Variants in DLG2 observed in about 807,000 individuals in gnomAD.
DLG2 encodes disks large homolog 2.
Under a neutral mutation model 132.5 loss-of-function variants are expected in DLG2, and 45 were observed. The ratio of observed to expected loss-of-function variants is 0.34; its 90% CI spans 0.27 to 0.44. The LOEUF (loss-of-function observed/expected upper bound fraction) is 0.44, where lower values mean the gene tolerates loss of function less well. DLG2 is among the 20% of genes least tolerant of loss of function. DLG2 has a pLI of 1.00. For missense variants in DLG2, 1,045 were observed against 1,196.9 expected (o/e 0.87, Z 1.87); for synonymous variants, 424 against 419.6 (o/e 1.01, Z -0.13).
At chr11:85,565,311 G>A (rs1397793511) in intron 3 of DLG2, among the ~76,000 whole-genome samples, 1 of 152,022 alleles carries the variant, frequency 6.6e-6, no homozygotes, top group Non-Finnish European at 1.5e-5. Flanking sequence ...AATATTTGAT[G>A]ATTAAGTATA....
At chr11:83,493,395 T>TTC (rs1565461867) in intron 21 of DLG2, among the ~76,000 whole-genome samples, 2 of 137,356 alleles carry the variant, frequency 1.5e-5, no homozygotes, top group African/African-American at 5.5e-5. Context: ...TTCCTTCCTT[T>TTC]CTCTCTCTTT....
intron 18 of DLG2, among the ~76,000 whole-genome samples, chr11:83,732,898 C>T (rs1243681697): frequency 6.6e-6 from 1 of 152,098 alleles, no homozygotes; most frequent in South Asian, 2.1e-4. Context: ...TCTGCTTCTC[C>T]ATAACTGAAC....
At chr11:85,356,888 A>AC in intron 3 of DLG2, among the ~76,000 whole-genome samples, 1 of 151,918 alleles carries the variant, frequency 6.6e-6, no homozygotes, top group South Asian at 2.1e-4. Flanking sequence ...CACTTATTCC[A>AC]CCCCCACTCC....
At chr11:84,377,036 T>C (rs542803470) in intron 7 of DLG2, among the ~76,000 whole-genome samples, 1 of 152,142 alleles carries the variant, frequency 6.6e-6, no homozygotes, top group East Asian at 1.9e-4. Flanking sequence ...TGACAAAACC[T>C]GTACCAATGA....
chr11:84,001,043 G>C (rs968421145), intron 11 of DLG2, among the ~76,000 whole-genome samples: 1 of 151,826 alleles, frequency 6.6e-6, no homozygotes, highest in African/African-American at 2.4e-5. Flanking sequence ...AGAACATACA[G>C]AACAACCAAA....
At chr11:83,897,183 A>T (rs1002081929) in intron 15 of DLG2, among the ~76,000 whole-genome samples, 9 of 152,300 alleles carry the variant, frequency 5.9e-5, no homozygotes, top group South Asian at 2.1e-4. Flanking sequence ...AGCTAAGTTC[A>T]ATGTGGTGGA....
intron 15 of DLG2, among the ~76,000 whole-genome samples, chr11:83,928,780 A>G (rs73508241): frequency 0.13 from 19,839 of 152,134 alleles, 3,108 homozygotes; most frequent in African/African-American, 0.38. Context: ...AATTATTGTG[A>G]GGATTAAGAG....
chr11:83,636,057 T>G (rs1197390485), intron 18 of DLG2, among the ~76,000 whole-genome samples: 1 of 152,122 alleles, frequency 6.6e-6, no homozygotes, highest in Non-Finnish European at 1.5e-5. Context: ...CCACTAAATC[T>G]CCCATCTGGA....
chr11:84,409,466 A>G (rs749201792), intron 7 of DLG2, among the ~76,000 whole-genome samples: 9 of 152,226 alleles, frequency 5.9e-5, no homozygotes, highest in Non-Finnish European at 1.2e-4. Context: ...AGGTAACATG[A>G]TAATAAAAAA....
intron 6 of DLG2, among the ~76,000 whole-genome samples, chr11:84,577,866 C>T (rs2099506088): frequency 6.6e-6 from 1 of 152,196 alleles, no homozygotes; most frequent in Non-Finnish European, 1.5e-5. Flanking sequence ...CCTCCCATCA[C>T]AGGCCCAGAG....
At chr11:84,660,146 CA>C (rs1595102622) in intron 6 of DLG2, among the ~76,000 whole-genome samples, 1 of 152,010 alleles carries the variant, frequency 6.6e-6, no homozygotes, top group African/African-American at 2.4e-5. Context: ...CCACATGATC[CA>C]AAACCCCCAT....
intron 9 of DLG2, among the ~76,000 whole-genome samples, chr11:84,113,275 A>G (rs1246792209): frequency 2.0e-5 from 3 of 152,202 alleles, no homozygotes; most frequent in Non-Finnish European, 2.9e-5. Context: ...ATATATGCAT[A>G]AAACACTTCC....
chr11:85,609,956 C>A (rs1165671298), intron 2 of DLG2, among the ~76,000 whole-genome samples: 1 of 152,206 alleles, frequency 6.6e-6, no homozygotes, highest in African/African-American at 2.4e-5. Context: ...GAAAGTCCCA[C>A]ACCCTTATTA....
At chr11:84,008,567 G>A (rs2094697907) in intron 11 of DLG2, among the ~76,000 whole-genome samples, 1 of 151,718 alleles carries the variant, frequency 6.6e-6, no homozygotes, top group African/African-American at 2.4e-5. Flanking sequence ...CTTTTAATAA[G>A]CATATTGGAG....
At chr11:85,168,449 C>T (rs574242116) in intron 4 of DLG2, among the ~76,000 whole-genome samples, 5 of 152,076 alleles carry the variant, frequency 3.3e-5, no homozygotes, top group African/African-American at 1.2e-4. Context: ...TGGACAACTA[C>T]ATTTTTGCCA....
chr11:85,536,379 C>T (rs927203871), intron 3 of DLG2, among the ~76,000 whole-genome samples: 2 of 152,210 alleles, frequency 1.3e-5, no homozygotes, highest in African/African-American at 4.8e-5. Flanking sequence ...TAAACTTATT[C>T]TCCTGCCCTC....
intron 15 of DLG2, among the ~76,000 whole-genome samples, chr11:83,912,206 T>C (rs2076196241): frequency 6.6e-6 from 1 of 152,100 alleles, no homozygotes; most frequent in Non-Finnish European, 1.5e-5. Context: ...AATGGAGACA[T>C]ATGTGATGTC....
intron 6 of DLG2, among the ~76,000 whole-genome samples, chr11:84,950,079 C>T (rs2050727819): frequency 6.6e-6 from 1 of 152,192 alleles, no homozygotes; most frequent in African/African-American, 2.4e-5. Context: ...CCCTGACTTC[C>T]CACAACAAAT....
chr11:83,772,444 G>C (rs1433570148), intron 18 of DLG2, among the ~76,000 whole-genome samples: 5 of 124,048 alleles, frequency 4.0e-5, no homozygotes, highest in Admixed American at 8.8e-5. Flanking sequence ...GAAAAAAAAA[G>C]AGAAGGAGGG....
Sources: gnomAD v4.1 joint callset for allele counts (sites outside exome capture counted in the v4.1 genomes callset) on GRCh38, gnomAD v4.1.1 for gene constraint, MANE v1.5 for transcripts, NCBI Gene and HGNC (gene_info 2026-07-23, HGNC 2026-07-21) for gene names.